Variants in QSOX1 observed in about 807,000 individuals in gnomAD.
The protein encoded by QSOX1 is quiescin sulfhydryl oxidase 1.
QSOX1 carries 40 observed loss-of-function variants against 76.1 expected under a neutral mutation model. That is an observed-to-expected ratio of 0.53 (90% CI 0.41 to 0.68). The LOEUF (loss-of-function observed/expected upper bound fraction) is 0.68. Ranked by LOEUF, QSOX1 falls within the 30% of genes least tolerant of loss-of-function variation. The probability of loss-of-function intolerance (pLI) is 0.00; values close to 1 mark genes in which losing one functional copy is unlikely to be tolerated. For synonymous variants in QSOX1, 392 were observed against 413.1 expected, an observed-to-expected ratio of 0.95 and a Z score of 0.62; for missense variants, 931 against 974.3, an observed-to-expected ratio of 0.96 and a Z score of 0.59.
chr1:180,196,368 A>G lies in QSOX1; in HGVS notation c.1575A>G (p.Glu525=). The stretch of plus-strand genomic sequence containing the variant: ...TGGATGTGCCCGTGTGGGACGTGGA[A>G]GCCACCCTCAACTTCCTCAAGGCCC... ...ERLDVPVWDV[E]ATLNFLKAHF... is the part of the protein sequence containing the mutation. The change falls in exon 12 of 12, where the codon GAA becomes GAG. Residue 525 remains glutamate (E), a synonymous_variant. Coordinates refer to ENST00000367602, the MANE Select transcript of QSOX1 (RefSeq NM_002826.5). This position sits in a 1 kb window ranked among gnomAD's most constrained non-coding sequence, Gnocchi z 4.1. 1 of 1,614,142 alleles carries G rather than the reference A, an allele frequency of 6.2e-7. No individual in the cohort carries two copies. Among genetic ancestry groups the G allele is most frequent in the Non-Finnish European group, 8.5e-7 (1 of 1,180,022 alleles).
At chr1:180,168,964 T>C (rs61828292) in intron 2 of QSOX1, among the ~76,000 whole-genome samples, 16,720 of 152,216 alleles carry the variant, frequency 0.11, 1,241 homozygotes, top group Middle Eastern at 0.2. Context: ...AGAGAGTGCT[T>C]TTGGTATGAT....
At chr1:180,178,047 T>G (rs953423479) in intron 4 of QSOX1, among the ~76,000 whole-genome samples, 3 of 152,158 alleles carry the variant, frequency 2.0e-5, no homozygotes, top group Non-Finnish European at 4.4e-5. Context: ...CATCTCCCCC[T>G]TGGTCGTGAC....
chr1:180,175,015 AG>A (rs1662850942), intron 2 of QSOX1, among the ~76,000 whole-genome samples: 2 of 151,806 alleles, frequency 1.3e-5, no homozygotes, highest in Non-Finnish European at 2.9e-5. Context: ...AAATTAGTCG[AG>A]TGTGGTGGTG....
rs945879772 is a variant in QSOX1 at position 180,203,761 on chromosome 1, A to G, written c.*6724A>G. 2.0e-5 allele frequency: 3 copies of G among 152,144 alleles called. No individual in the cohort carries two copies. The highest frequency in any genetic ancestry group is 4.4e-5 in the Non-Finnish European group (3 of 68,012). The allele number at this position is 152,144 out of a possible 1,614,324, so 9.4% of individuals were successfully genotyped here. A position where few individuals can be genotyped will look rare whatever the true frequency, so the allele number is the denominator to read the frequency against. Reference sequence around the variant, plus strand: ...AGTTACAGCCTCTGAGCTTTAGTCAATTGTAGGTGGTCAATAGATTCAGAT... The same window carrying G: ...AGTTACAGCCTCTGAGCTTTAGTCAGTTGTAGGTGGTCAATAGATTCAGAT... On this transcript the variant is annotated 3_prime_UTR_variant, in exon 12 of 12. Transcript: ENST00000367602.
At chr1:180,191,588 C>G (rs1393932058) in intron 10 of QSOX1, among the ~76,000 whole-genome samples, 1 of 152,234 alleles carries the variant, frequency 6.6e-6, no homozygotes, top group Admixed American at 6.5e-5. Context: ...TCCCTGCCCC[C>G]ACAGGGCCAG....
At chr1:180,187,979 G>A (rs1185460708) in intron 8 of QSOX1, among the ~76,000 whole-genome samples, 1 of 151,912 alleles carries the variant, frequency 6.6e-6, no homozygotes, top group Non-Finnish European at 1.5e-5. Context: ...GCCGGTGCCT[G>A]CAGTGTTCTT....
chr1:180,189,792 C>T lies in QSOX1; in HGVS notation c.1140+118C>T, dbSNP rs3889149. 2.8e-5 allele frequency: 33 copies of T among 1,180,910 alleles called. No homozygotes were observed. In the Admixed American group the frequency reaches 3.6e-4, roughly 13 times the overall value. 73.2% of individuals were successfully genotyped at this position (1,180,910 alleles called of 1,614,324 possible). A position where few individuals can be genotyped will look rare whatever the true frequency, so the allele number is the denominator to read the frequency against. On this transcript the variant is annotated intron_variant, in intron 9 of 11. Transcript: ENST00000367602. ...TTTGCACCAGGGAGTCAGTGATCTT[C>T]GTTGGGTCCTAACAATAATCAATAA... is the stretch of plus-strand genomic sequence containing the variant.
chr1:180,158,906 C>G (rs757829527), intron 1 of QSOX1, among the ~76,000 whole-genome samples: 5 of 152,196 alleles, frequency 3.3e-5, no homozygotes, highest in Non-Finnish European at 7.3e-5. Context: ...TCCTGGCCCT[C>G]GCTGATCCAG....
At chr1:180,188,439 C>CA (rs1338711270) in intron 8 of QSOX1, among the ~76,000 whole-genome samples, 1 of 152,252 alleles carries the variant, frequency 6.6e-6, no homozygotes, top group African/African-American at 2.4e-5. Flanking sequence ...ATCCTTCTGG[C>CA]ACTGTCGCCT....
chr1:180,170,961 C>T (rs3753802), intron 2 of QSOX1, among the ~76,000 whole-genome samples: 76,632 of 151,614 alleles, frequency 0.51, 21,878 homozygotes, highest in East Asian at 0.77. Flanking sequence ...GCTGGAGTGG[C>T]GGGAGTGGAG....
rs765200195 is a variant in QSOX1, at chr1:180,196,636, G to C, written c.1843G>C (p.Ala615Pro). 62 of 1,614,068 alleles carry C rather than the reference G, an allele frequency of 3.8e-5. No individual in the cohort carries two copies. In the Middle Eastern group the frequency reaches 6.6e-4, roughly 17 times the overall value. ...CCCGAAGCTGCACCCTGGCCTCAGA[G>C]CTGCACCAGGCCAGGAGCCTCCTGA... Reference protein sequence around the residue: ...RPPKLHPGLRAAPGQEPPEHM... With the variant: ...RPPKLHPGLRPAPGQEPPEHM... Residue 615 changes from alanine to proline, a missense_variant, in exon 12 of 12, where the codon GCT becomes CCT. Coordinates refer to ENST00000367602, the MANE Select transcript of QSOX1 (RefSeq NM_002826.5). This position sits in a 1 kb window ranked among gnomAD's most constrained non-coding sequence, Gnocchi z 4.1.
At chr1:180,167,686 G>A (rs1662665629) in intron 2 of QSOX1, among the ~76,000 whole-genome samples, 1 of 152,194 alleles carries the variant, frequency 6.6e-6, no homozygotes, top group Non-Finnish European at 1.5e-5. Flanking sequence ...TAGGGTCAGG[G>A]CCCCCCAGGC....
chr1:180,155,954 A>G (rs1180528780), intron 1 of QSOX1, among the ~76,000 whole-genome samples: 4 of 152,188 alleles, frequency 2.6e-5, no homozygotes, highest in Admixed American at 2.6e-4. Context: ...ATTCCAAGAC[A>G]CCATCAACTG....
chr1:180,154,984 G>T lies in QSOX1; in HGVS notation c.77G>T (p.Gly26Val), dbSNP rs1386427364. The change falls in exon 1 of 12, where the codon GGC (glycine) becomes GTC (valine). Residue 26 changes from glycine to valine, a missense_variant. Gly to Val is a moderately radical substitution (Grantham distance 109, BLOSUM62 -3). Transcript: ENST00000367602. ...CTGCTGTGGCTGCTCGCGGTTCCCGGCGCTAACGCGGCCCCGCGGTCGGCG... is the reference window on the plus strand; with the variant it reads ...CTGCTGTGGCTGCTCGCGGTTCCCGTCGCTAACGCGGCCCCGCGGTCGGCG... ...LLLLWLLAVP[G>V]ANAAPRSALY... 2.7e-6 allele frequency: 4 copies of T among 1,508,648 alleles called. No individual in the cohort carries two copies. Among genetic ancestry groups the T allele is most frequent in the Non-Finnish European group, 3.5e-6 (4 of 1,136,310 alleles). 93.5% of individuals were successfully genotyped at this position (1,508,648 alleles called of 1,614,324 possible).
In QSOX1 at chr1:180,198,070, C is replaced by G. The variant is rs1253017417; in HGVS notation, c.*1033C>G. On this transcript the variant is annotated 3_prime_UTR_variant, in exon 12 of 12. Transcript: ENST00000367602. Reference sequence around the variant, plus strand: ...GTTCTTTAACTTGCTACTTGGAGACCTAGTGTCCAGTCTGGACAGAATGCA... The same window carrying G: ...GTTCTTTAACTTGCTACTTGGAGACGTAGTGTCCAGTCTGGACAGAATGCA... 1 of 409,296 alleles carries G rather than the reference C, an allele frequency of 2.4e-6. No individual in the cohort carries two copies. Among genetic ancestry groups the G allele is most frequent in the Admixed American group, 2.7e-5 (1 of 37,608 alleles). The allele number at this position is 409,296 out of a possible 1,614,324, so 25.4% of individuals were successfully genotyped here.
chr1:180,174,078 G>T (rs918997224), intron 2 of QSOX1, among the ~76,000 whole-genome samples: 3 of 152,248 alleles, frequency 2.0e-5, no homozygotes, highest in African/African-American at 7.2e-5. Context: ...GTGTTTGGCT[G>T]TTGGAGGCAG....
At chr1:180,178,219 C>G (rs1369712200) in intron 4 of QSOX1, among the ~76,000 whole-genome samples, 1 of 152,166 alleles carries the variant, frequency 6.6e-6, no homozygotes, top group African/African-American at 2.4e-5. Flanking sequence ...GGCCTCCTAC[C>G]CACTTCCGAC....
intron 10 of QSOX1, among the ~76,000 whole-genome samples, chr1:180,192,639 C>CG (rs879829791): frequency 6.6e-6 from 1 of 152,056 alleles, no homozygotes; most frequent in Non-Finnish European, 1.5e-5. Context: ...GCCTGAGCCT[C>CG]TGGTGGATGA....
intron 7 of QSOX1, among the ~76,000 whole-genome samples, chr1:180,184,501 A>ATACAGCG: frequency 6.6e-6 from 1 of 152,124 alleles, no homozygotes; most frequent in Admixed American, 6.5e-5. Flanking sequence ...ACCCTACAGC[A>ATACAGCG]TCCCTTCTAG....
Sources: allele counts gnomAD v4.1 joint callset (sites outside exome capture counted in the v4.1 genomes callset), GRCh38; gene constraint gnomAD v4.1.1; non-coding constraint Gnocchi (gnomAD v3.1); transcripts MANE v1.5; gene names NCBI Gene and HGNC (gene_info 2026-07-23, HGNC 2026-07-21).